The following EXOC6B variants were observed in gnomAD, a reference collection of about 807,000 sequenced individuals.
The protein encoded by EXOC6B is exocyst complex component 6B.
EXOC6B carries 54 observed loss-of-function variants against 113.5 expected under a neutral mutation model. The observed-to-expected ratio is 0.48, with a 90% CI of 0.38 to 0.60. The LOEUF (loss-of-function observed/expected upper bound fraction) is 0.60, where lower values mean the gene tolerates loss of function less well. Ranked by LOEUF, EXOC6B falls within the 20% of genes least tolerant of loss-of-function variation. The probability of loss-of-function intolerance (pLI) is 0.00; values close to 1 mark genes in which losing one functional copy is unlikely to be tolerated. For missense variants in EXOC6B, 797 were observed against 977.5 expected (o/e 0.82, Z 2.46); for synonymous variants, 357 against 339.0 (o/e 1.05, Z -0.58).
chr2:72,310,632 T>TA (rs199701285), intron 20 of EXOC6B, among the ~76,000 whole-genome samples: 1,654 of 150,784 alleles, frequency 0.011, 31 homozygotes, highest in African/African-American at 0.038. Context: ...AAGTTTTTAA[T>TA]AAAAAAAAAG....
At chr2:72,694,590 C>T (rs531026378) in intron 6 of EXOC6B, among the ~76,000 whole-genome samples, 263 of 152,266 alleles carry the variant, frequency 1.7e-3, no homozygotes, top group Middle Eastern at 3.4e-3. Flanking sequence ...GGGAATGGAG[C>T]ACTGACATGT....
intron 2 of EXOC6B, among the ~76,000 whole-genome samples, chr2:72,740,371 A>G (rs1330441826): frequency 1.3e-5 from 2 of 152,256 alleles, no homozygotes; most frequent in Non-Finnish European, 2.9e-5. Flanking sequence ...CTTACAGATC[A>G]TATGAGGAGT....
intron 18 of EXOC6B, among the ~76,000 whole-genome samples, chr2:72,381,271 A>G (rs1024733554): frequency 6.6e-6 from 1 of 152,184 alleles, no homozygotes; most frequent in African/African-American, 2.4e-5. Context: ...AGTGTATTGT[A>G]TCTAGTTGTA....
chr2:72,394,732 G>A (rs769980268), intron 18 of EXOC6B, among the ~76,000 whole-genome samples: 125 of 152,030 alleles, frequency 8.2e-4, no homozygotes, highest in Non-Finnish European at 1.4e-3. Flanking sequence ...AGATGTCAAA[G>A]AATCTGATTC....
chr2:72,353,428 T>C (rs549872205), intron 19 of EXOC6B, among the ~76,000 whole-genome samples: 1 of 150,662 alleles, frequency 6.6e-6, no homozygotes, highest in South Asian at 2.1e-4. Context: ...CTGGAGTGCA[T>C]TGGCACCATC....
At chr2:72,209,240 A>G (rs1680023927) in intron 20 of EXOC6B, among the ~76,000 whole-genome samples, 2 of 138,410 alleles carry the variant, frequency 1.4e-5, no homozygotes, top group East Asian at 2.0e-4. Context: ...AAAAAAAAAA[A>G]AAAAAAAGAA....
intron 18 of EXOC6B, among the ~76,000 whole-genome samples, chr2:72,412,926 T>C (rs1694270118): frequency 6.6e-6 from 1 of 151,872 alleles, no homozygotes; most frequent in Non-Finnish European, 1.5e-5. Flanking sequence ...TTTCCTTTCC[T>C]TCCTTCTCTT....
chr2:72,295,160 G>A (rs1686048220), intron 20 of EXOC6B, among the ~76,000 whole-genome samples: 1 of 150,878 alleles, frequency 6.6e-6, no homozygotes, highest in South Asian at 2.1e-4. Context: ...GAACCCGGGA[G>A]GTGGAGGTTT....
intron 8 of EXOC6B, among the ~76,000 whole-genome samples, chr2:72,532,223 GA>G (rs1311671112): frequency 6.6e-6 from 1 of 152,024 alleles, no homozygotes; most frequent in Non-Finnish European, 1.5e-5. Context: ...ATACAAAAAG[GA>G]AATGAATGGC....
chr2:72,427,732 G>A (rs909470582), intron 18 of EXOC6B, among the ~76,000 whole-genome samples: 10 of 152,174 alleles, frequency 6.6e-5, no homozygotes, highest in South Asian at 2.1e-4. Flanking sequence ...GGAAGGGGGC[G>A]GGACCCTGGT....
intron 6 of EXOC6B, among the ~76,000 whole-genome samples, chr2:72,591,527 C>T (rs1705960114): frequency 6.6e-6 from 1 of 152,060 alleles, no homozygotes; most frequent in Admixed American, 6.6e-5. Flanking sequence ...GACAGCAAAA[C>T]GGCTCAAGGC....
At chr2:72,660,732 T>C (rs1375808481) in intron 6 of EXOC6B, among the ~76,000 whole-genome samples, 2 of 152,070 alleles carry the variant, frequency 1.3e-5, no homozygotes, top group Non-Finnish European at 2.9e-5. Context: ...AGCAGCTATT[T>C]AAAGACTCTG....
intron 18 of EXOC6B, among the ~76,000 whole-genome samples, chr2:72,410,178 T>C (rs1694076888): frequency 6.6e-6 from 1 of 152,242 alleles, no homozygotes; most frequent in Non-Finnish European, 1.5e-5. Flanking sequence ...TGAAGCTGCA[T>C]ATTCTGCCAC....
intron 6 of EXOC6B, among the ~76,000 whole-genome samples, chr2:72,677,360 ATCTT>A: frequency 6.6e-6 from 1 of 152,178 alleles, no homozygotes; most frequent in East Asian, 1.9e-4. Context: ...GTGAAACCCT[ATCTT>A]TATTTTTATA....
At chr2:72,759,138 T>C (rs1192562734) in intron 1 of EXOC6B, among the ~76,000 whole-genome samples, 1 of 152,244 alleles carries the variant, frequency 6.6e-6, no homozygotes, top group Non-Finnish European at 1.5e-5. Flanking sequence ...TAAACCTCTG[T>C]ATACTTCAGT....
intron 20 of EXOC6B, among the ~76,000 whole-genome samples, chr2:72,321,045 A>G (rs6546761): frequency 0.21 from 31,464 of 152,062 alleles, 6,103 homozygotes; most frequent in African/African-American, 0.52. Flanking sequence ...GTCTATACAT[A>G]TATCAGAATA....
chr2:72,690,724 C>T (rs1677427803), intron 6 of EXOC6B, among the ~76,000 whole-genome samples: 5 of 152,142 alleles, frequency 3.3e-5, no homozygotes, highest in Admixed American at 3.3e-4. Flanking sequence ...TTCTGGGGTA[C>T]TTGGGGCTCA....
chr2:72,401,540 T>TACAC (rs1558630528), intron 18 of EXOC6B, among the ~76,000 whole-genome samples: 1 of 23,912 alleles, frequency 4.2e-5, no homozygotes, highest in African/African-American at 1.1e-3. Flanking sequence ...TATATATATA[T>TACAC]ATATGTGTAT....
At chr2:72,253,413 C>G (rs1363678873) in intron 20 of EXOC6B, among the ~76,000 whole-genome samples, 1 of 152,286 alleles carries the variant, frequency 6.6e-6, no homozygotes, top group East Asian at 1.9e-4. Context: ...TTTCCGAGCA[C>G]TATTCACAAT....
Sources: allele counts gnomAD v4.1 joint callset (sites outside exome capture counted in the v4.1 genomes callset), GRCh38; gene constraint gnomAD v4.1.1; transcripts MANE v1.5; gene names NCBI Gene and HGNC (gene_info 2026-07-23, HGNC 2026-07-21).